Variants in PCLAF observed in about 807,000 individuals in gnomAD.
The protein encoded by PCLAF is PCNA-associated factor.
PCLAF carries 12 observed loss-of-function variants against 15.1 expected under a neutral mutation model. The observed-to-expected ratio is 0.79, with a 90% CI of 0.51 to 1.29. PCLAF has a LOEUF of 1.29. Among genes scored for constraint, PCLAF ranks in the 50% most tolerant of loss-of-function variants. PCLAF has a pLI of 0.00. For synonymous variants in PCLAF, 33 were observed against 47.1 expected (o/e 0.70, Z 1.22); for missense variants, 116 against 130.9 (o/e 0.89, Z 0.56).
At chr15:64,377,487 AAATATATATATATATATATAT>A (rs1236507717) in intron 2 of PCLAF, among the ~76,000 whole-genome samples, 3 of 39,728 alleles carry the variant, frequency 7.6e-5, no homozygotes, top group African/African-American at 2.8e-4. Context: ...AAAAAAAAAA[AAATATATATATATATATATAT>A]ATATATATAT....
chr15:64,372,772 G>C (rs1596323547), intron 3 of PCLAF, among the ~76,000 whole-genome samples: 2 of 152,170 alleles, frequency 1.3e-5, no homozygotes, highest in South Asian at 4.1e-4. Context: ...AGGAGATCAA[G>C]ACCATCCTGG....
At chr15:64,378,628 AGCAGCT>A (rs1899713374) in intron 2 of PCLAF, among the ~76,000 whole-genome samples, 2 of 152,154 alleles carry the variant, frequency 1.3e-5, no homozygotes, top group African/African-American at 4.8e-5. Flanking sequence ...AACATACAGC[AGCAGCT>A]GGGCGCAGTG....
chr15:64,382,468 GA>G, upstream of PCLAF: 1 of 155,852 alleles, frequency 6.4e-6, no homozygotes, highest in Admixed American at 6.3e-5. Flanking sequence ...GAAAAGAAAA[GA>G]AAAAAGAAAA....
In PCLAF at chr15:64,367,360, G is replaced by A. The variant is rs552257054; in HGVS notation, c.291-1285C>T. ...TCTACTAAAAATACAAAAATTAGCC[G>A]GGCATGGTAGCAGGTGCCTGTAATC... On this transcript the variant is annotated intron_variant, in intron 3 of 3. Coordinates refer to ENST00000300035, the MANE Select transcript of PCLAF (RefSeq NM_014736.6). 4.0e-5 allele frequency among the ~76,000 whole-genome samples: 6 copies of A among 151,490 alleles called. No individual in the cohort carries two copies. The East Asian group carries it at 8.0e-4, about 20-fold the overall frequency.
upstream of PCLAF, among the ~76,000 whole-genome samples, chr15:64,385,484 G>T (rs948033810): frequency 2.6e-5 from 4 of 151,940 alleles, no homozygotes; most frequent in Non-Finnish European, 5.9e-5. Flanking sequence ...AATTAGCCGC[G>T]CATGGTGGCA....
intron 3 of PCLAF, among the ~76,000 whole-genome samples, chr15:64,368,194 A>T (rs1180674573): frequency 6.6e-6 from 1 of 151,872 alleles, no homozygotes; most frequent in African/African-American, 2.4e-5. Context: ...ATACAAAAAC[A>T]ATTAGCTGGG....
chr15:64,366,694 C>T (rs761566695), intron 3 of PCLAF, among the ~76,000 whole-genome samples: 22 of 151,960 alleles, frequency 1.4e-4, no homozygotes, highest in Admixed American at 5.2e-4. Flanking sequence ...AAAATCAGGC[C>T]GGGGTCGGTG....
At chr15:64,379,054 T>A (rs997453938) in intron 2 of PCLAF, among the ~76,000 whole-genome samples, 15 of 152,280 alleles carry the variant, frequency 9.9e-5, no homozygotes, top group South Asian at 2.1e-4. Flanking sequence ...CATCCAATTA[T>A]TCGGATTAAA....
chr15:64,374,195 G>C (rs1357330618), intron 3 of PCLAF, among the ~76,000 whole-genome samples: 7 of 152,078 alleles, frequency 4.6e-5, no homozygotes, highest in African/African-American at 1.7e-4. Flanking sequence ...AACAATTATT[G>C]TGAGCATTTT....
Position 64,381,013 on chromosome 15 carries a change from C to T in PCLAF, c.72G>A (p.Lys24=), listed in dbSNP as rs765324151. Residue 24 remains lysine, a synonymous_variant, in exon 2 of 4, where the codon AAG becomes AAA. Coordinates refer to ENST00000300035, the MANE Select transcript of PCLAF (RefSeq NM_014736.6). ...RKVVAARAPR[K]VLGSSTSATN... is the part of the protein sequence containing the mutation. ...TGGCAGAGGTGGAAGAACCAAGCAC[C>T]TTTCTGGGGGCTCGAGCAGCCACCA... 9 of 1,613,986 alleles carry T rather than the reference C, an allele frequency of 5.6e-6. No homozygotes were observed. Among genetic ancestry groups the T allele is most frequent in the African/African-American group, 1.3e-5 (1 of 74,932 alleles).
chr15:64,382,799 A>G, upstream of PCLAF: 1 of 247,492 alleles, frequency 4.0e-6, no homozygotes, highest in East Asian at 1.5e-4. Flanking sequence ...ACATGGTGAA[A>G]CCCAGTCTCT....
At chr15:64,367,510 A>AC (rs1426925014) in intron 3 of PCLAF, among the ~76,000 whole-genome samples, 3 of 19,274 alleles carry the variant, frequency 1.6e-4, no homozygotes, top group Non-Finnish European at 1.4e-3. Flanking sequence ...TCTCAAAAAA[A>AC]CCCAAAAAAA....
At position 64,366,153 on chromosome 15, in the gene PCLAF, T is replaced by C. The variant is rs534476857; in HGVS notation, c.291-78A>G. On this transcript the variant is annotated intron_variant, in intron 3 of 3. Transcript: ENST00000300035. ...AAAAATAGTTACAAACCTATATAAA[T>C]CAGGAACATTAATTAACAGTGCAGT... is the stretch of plus-strand genomic sequence containing the variant. 8.5e-6 allele frequency: 9 copies of C among 1,061,052 alleles called. No individual in the cohort carries two copies. In the African/African-American group the frequency reaches 1.4e-4, roughly 17 times the overall value. 65.7% of individuals were successfully genotyped at this position (1,061,052 alleles called of 1,614,324 possible). A position where few individuals can be genotyped will look rare whatever the true frequency, so the allele number is the denominator to read the frequency against.
At chr15:64,366,986 T>C (rs950112344) in intron 3 of PCLAF, among the ~76,000 whole-genome samples, 10 of 150,104 alleles carry the variant, frequency 6.7e-5, no homozygotes, top group African/African-American at 2.4e-4. Flanking sequence ...AAAAAATTAG[T>C]TGGTCGTGGT....
chr15:64,373,038 C>G (rs191095091), intron 3 of PCLAF: 14 of 152,280 alleles, frequency 9.2e-5, no homozygotes, highest in African/African-American at 3.1e-4. Context: ...AAATCTAGAG[C>G]ATATCAGCAT....
In PCLAF at chr15:64,364,356, T is replaced by C. The variant is rs1740344786; in HGVS notation, c.*1674A>G. Reference sequence around the variant, plus strand: ...TTATTACAAACGTATTTCAGAAAAATATGCCTACTAAAATATGATTACTTT... The same window carrying C: ...TTATTACAAACGTATTTCAGAAAAACATGCCTACTAAAATATGATTACTTT... On this transcript the variant is annotated 3_prime_UTR_variant, in exon 4 of 4. Coordinates refer to ENST00000300035, the MANE Select transcript of PCLAF (RefSeq NM_014736.6). 1 of 152,146 alleles carries C rather than the reference T, an allele frequency of 6.6e-6. No individual in the cohort carries two copies. Among genetic ancestry groups the C allele is most frequent in the Non-Finnish European group, 1.5e-5 (1 of 68,026 alleles). The allele number at this position is 152,146 out of a possible 1,614,324, so 9.4% of individuals were successfully genotyped here.
At chr15:64,380,220 A>T (rs548850691) in intron 2 of PCLAF, among the ~76,000 whole-genome samples, 2 of 152,096 alleles carry the variant, frequency 1.3e-5, no homozygotes, top group East Asian at 3.9e-4. Flanking sequence ...ATCTCTACTA[A>T]AAATACAAAA....
chr15:64,370,243 A>AT (rs879858578), intron 3 of PCLAF, among the ~76,000 whole-genome samples: 1,634 of 141,980 alleles, frequency 0.012, 26 homozygotes, highest in African/African-American at 0.034. Context: ...TGCCCACCTA[A>AT]TTTTTTTTTT....
intron 3 of PCLAF, among the ~76,000 whole-genome samples, chr15:64,368,752 T>C (rs890433730): frequency 6.7e-6 from 1 of 148,694 alleles, no homozygotes; most frequent in African/African-American, 2.6e-5. Flanking sequence ...GATTTTATAA[T>C]ACCATGGATT....
Sources: allele counts gnomAD v4.1 joint callset (sites outside exome capture counted in the v4.1 genomes callset), GRCh38; gene constraint gnomAD v4.1.1; transcripts MANE v1.5; gene names NCBI Gene and HGNC (gene_info 2026-07-23, HGNC 2026-07-21).